Variants in HDAC8 observed in about 807,000 individuals in gnomAD.
The protein encoded by HDAC8 is histone deacetylase-like 1.
A neutral mutation model predicts 32.2 loss-of-function variants in HDAC8; 1 was observed. That is an observed-to-expected ratio of 0.03 (90% CI 0.01 to 0.15). The LOEUF is 0.15. Ranked by LOEUF, HDAC8 falls within the 10% of genes least tolerant of loss-of-function variation. HDAC8 has a pLI of 1.00. For missense variants in HDAC8, 117 were observed against 300.0 expected (o/e 0.39, Z 4.51); for synonymous variants, 108 against 113.9 (o/e 0.95, Z 0.33).
At chrX:72,385,835 G>A (rs2045410168) in intron 9 of HDAC8, among the ~76,000 whole-genome samples, 1 of 111,746 alleles carries the variant, frequency 8.9e-6, no homozygotes, top group Admixed American at 9.6e-5. Flanking sequence ...TAACACAGCT[G>A]GGATTTGAAG....
chrX:72,521,880 C>T (rs781908368), intron 4 of HDAC8, among the ~76,000 whole-genome samples: 1 of 111,155 alleles, frequency 9.0e-6, no homozygotes, highest in Non-Finnish European at 1.9e-5. Context: ...TAACCACTTG[C>T]GCTCTCATGC....
chrX:72,470,149 AATACATAC>A (rs201216050), intron 7 of HDAC8, among the ~76,000 whole-genome samples: 2,203 of 96,952 alleles, frequency 0.023, 59 homozygotes, highest in African/African-American at 0.061. Context: ...CACAGTCTCA[AATACATAC>A]ATACATACAT....
At chrX:72,336,057 T>C (rs782693035) in intron 10 of HDAC8, among the ~76,000 whole-genome samples, 1 of 111,924 alleles carries the variant, frequency 8.9e-6, no homozygotes, top group African/African-American at 3.2e-5. Flanking sequence ...GTGTGATTGC[T>C]AGATCATGTG....
chrX:72,553,036 C>T (rs1448888627), intron 4 of HDAC8, among the ~76,000 whole-genome samples: 2 of 109,925 alleles, frequency 1.8e-5, no homozygotes, highest in Non-Finnish European at 3.8e-5. Flanking sequence ...TTGTACTAGC[C>T]ACCCTATTTA....
At chrX:72,374,662 A>G (rs1478272943) in intron 9 of HDAC8, among the ~76,000 whole-genome samples, 2 of 110,029 alleles carry the variant, frequency 1.8e-5, no homozygotes, top group Non-Finnish European at 3.8e-5. Flanking sequence ...ATGGGAGTGA[A>G]ACCCTGTCTC....
chrX:72,356,269 G>C (rs782790430), intron 9 of HDAC8, among the ~76,000 whole-genome samples: 1 of 111,385 alleles, frequency 9.0e-6, no homozygotes, highest in African/African-American at 3.3e-5. Context: ...GTCTGCAAAG[G>C]GGGTATAGAG....
At chrX:72,386,905 C>G (rs1320133942) in intron 9 of HDAC8, among the ~76,000 whole-genome samples, 1 of 112,128 alleles carries the variant, frequency 8.9e-6, no homozygotes, top group Non-Finnish European at 1.9e-5. Flanking sequence ...ATGGACACAA[C>G]TGTGCAGTTG....
chrX:72,567,581 C>A (rs1556137109), intron 4 of HDAC8: 3 of 484,932 alleles, frequency 6.2e-6, no homozygotes, highest in Non-Finnish European at 1.0e-5. Context: ...TAGAGACTGT[C>A]TAGTTGTATC....
At chrX:72,463,331 C>T (rs887020424) in intron 8 of HDAC8, among the ~76,000 whole-genome samples, 8 of 112,061 alleles carry the variant, frequency 7.1e-5, no homozygotes, top group African/African-American at 2.3e-4. Context: ...TATGCACAAG[C>T]GTTTTCAGGA....
chrX:72,554,139 T>C (rs1476576837), intron 4 of HDAC8, among the ~76,000 whole-genome samples: 2 of 111,782 alleles, frequency 1.8e-5, no homozygotes, highest in Non-Finnish European at 3.8e-5. Context: ...TTACAGAAAT[T>C]TTGAAAACTA....
chrX:72,344,639 G>A (rs2043976447), intron 10 of HDAC8, among the ~76,000 whole-genome samples: 1 of 111,919 alleles, frequency 8.9e-6, no homozygotes, highest in Non-Finnish European at 1.9e-5. Context: ...TCAAGTATAT[G>A]TTTCAGTAAA....
intron 2 of HDAC8, among the ~76,000 whole-genome samples, chrX:72,569,656 A>G (rs1432071305): frequency 8.9e-6 from 1 of 111,894 alleles, no homozygotes. Context: ...CTCACGAAAA[A>G]TGACAAATAG....
chrX:72,459,543 GATT>G (rs782726356), intron 9 of HDAC8, among the ~76,000 whole-genome samples: 1 of 111,069 alleles, frequency 9.0e-6, no homozygotes, highest in African/African-American at 3.3e-5. Context: ...TAGATTTCTT[GATT>G]ATATTTTCAG....
chrX:72,348,893 T>G (rs58762115), intron 10 of HDAC8, among the ~76,000 whole-genome samples: 93 of 111,872 alleles, frequency 8.3e-4, no homozygotes, highest in African/African-American at 2.8e-3. Context: ...TCCTAGAATC[T>G]TAGGGTTGGA....
At chrX:72,443,343 C>T (rs1304284646) in intron 9 of HDAC8, among the ~76,000 whole-genome samples, 2 of 111,027 alleles carry the variant, frequency 1.8e-5, no homozygotes, top group Middle Eastern at 4.2e-3. Context: ...GTCTCTCAGA[C>T]CACAATGCAA....
At chrX:72,566,872 G>A (rs1475082993) in intron 4 of HDAC8, among the ~76,000 whole-genome samples, 3 of 112,144 alleles carry the variant, frequency 2.7e-5, no homozygotes, top group Admixed American at 9.4e-5. Flanking sequence ...GTGGCCAGGC[G>A]CGGTGGCTCA....
At chrX:72,383,819 A>G (rs1440275953) in intron 9 of HDAC8, among the ~76,000 whole-genome samples, 3 of 104,164 alleles carry the variant, frequency 2.9e-5, no homozygotes, top group Non-Finnish European at 5.9e-5. Context: ...GCAGTGAGCC[A>G]AGATCACGCC....
intron 2 of HDAC8, among the ~76,000 whole-genome samples, chrX:72,571,438 C>T (rs1240150417): frequency 9.0e-6 from 1 of 110,753 alleles, no homozygotes; most frequent in Non-Finnish European, 1.9e-5. Context: ...TGCACTGCAC[C>T]TACCCCTGGG....
intron 7 of HDAC8, among the ~76,000 whole-genome samples, chrX:72,484,476 AC>A (rs1569334541): frequency 8.9e-6 from 1 of 112,451 alleles, no homozygotes. Context: ...TCTTAAAAAA[AC>A]ATGATTGTTT....
Sources: allele counts gnomAD v4.1 joint callset (sites outside exome capture counted in the v4.1 genomes callset), GRCh38; gene constraint gnomAD v4.1.1; transcripts MANE v1.5; gene names NCBI Gene and HGNC (gene_info 2026-07-23, HGNC 2026-07-21).